The following TMEM212 variants were observed in gnomAD, a reference collection of about 807,000 sequenced individuals.
TMEM212 encodes transmembrane protein 212.
TMEM212 carries 23 observed loss-of-function variants against 20.5 expected under a neutral mutation model. That is an observed-to-expected ratio of 1.12 (90% CI 0.81 to 1.59). The LOEUF (loss-of-function observed/expected upper bound fraction) is 1.59, where lower values mean the gene tolerates loss of function less well. Among genes scored for constraint, TMEM212 ranks in the 40% most tolerant of loss-of-function variants. The pLI is 0.00. For missense variants in TMEM212, 211 were observed against 215.0 expected (o/e 0.98, Z 0.12); for synonymous variants, 76 against 81.6 (o/e 0.93, Z 0.37).
chr3:171,847,002 C>T (rs1481734497), intron 1 of TMEM212, among the ~76,000 whole-genome samples: 10 of 152,228 alleles, frequency 6.6e-5, no homozygotes, highest in African/African-American at 2.4e-4. Flanking sequence ...TGATACAGTA[C>T]TTTGAATTTG....
chr3:171,847,261 T>C (rs1724853754), intron 1 of TMEM212, among the ~76,000 whole-genome samples: 1 of 152,230 alleles, frequency 6.6e-6, no homozygotes, highest in African/African-American at 2.4e-5. Flanking sequence ...TGCAATGAGT[T>C]TAAACACAGG....
chr3:171,848,423 T>G (rs1724886525), intron 1 of TMEM212, among the ~76,000 whole-genome samples: 1 of 152,192 alleles, frequency 6.6e-6, no homozygotes, highest in South Asian at 2.1e-4. Context: ...TCCATCTCAC[T>G]CTATACCCCC....
chr3:171,851,861 C>T (rs867781496), intron 1 of TMEM212, 121 bp from the exon 2 acceptor site: 1 of 860,980 alleles, frequency 1.2e-6, no homozygotes, highest in Non-Finnish European at 1.8e-6. Context: ...GCCATAAATC[C>T]ACTGAGTCAT....
rs1221068230 is a variant in TMEM212 at position 171,853,529 on chromosome 3, G to A, written c.222G>A (p.Gly74=). 1 of 1,532,300 alleles carries A rather than the reference G, an allele frequency of 6.5e-7. No individual in the cohort carries two copies. Among genetic ancestry groups the A allele is most frequent in the Non-Finnish European group, 8.7e-7 (1 of 1,143,844 alleles). The allele number at this position is 1,532,300 out of a possible 1,614,324, so 94.9% of individuals were successfully genotyped here. The stretch of plus-strand genomic sequence containing the variant: ...ATTTATTTTTGCTTTATTTTCAGGG[G>A]GAAGCTACTTTCACCTTTGTGATTC... The part of the protein sequence containing the change: ...AYREWTQRYL[G]EATFTFVILS... Residue 74 remains glycine, a splice_region_variant and synonymous_variant, in exon 3 of 5, where the codon GGG becomes GGA. Transcript: ENST00000334567.
chr3:171,856,170 T>G (rs888610455), intron 3 of TMEM212, among the ~76,000 whole-genome samples: 1 of 152,186 alleles, frequency 6.6e-6, no homozygotes, highest in Non-Finnish European at 1.5e-5. Context: ...ATTGGTATCA[T>G]CAGCTTCTTA....
chr3:171,851,011 A>AT (rs958818876), intron 1 of TMEM212, among the ~76,000 whole-genome samples: 16 of 152,134 alleles, frequency 1.1e-4, no homozygotes, highest in Admixed American at 3.3e-4. Flanking sequence ...AAAAATGCTG[A>AT]TTTTTTTTCC....
intron 1 of TMEM212, among the ~76,000 whole-genome samples, chr3:171,851,356 C>A (rs957439698): frequency 2.0e-5 from 3 of 152,184 alleles, no homozygotes; most frequent in Non-Finnish European, 4.4e-5. Context: ...ACACTGTGGG[C>A]CTTTTTCCTT....
intron 4 of TMEM212, 66 bp from the exon 5 acceptor site, chr3:171,857,995 C>T (rs1725157430): frequency 6.6e-6 from 1 of 151,880 alleles, no homozygotes; most frequent in Admixed American, 6.6e-5. Flanking sequence ...GAGGTACTGC[C>T]CAAGGTAATT....
At chr3:171,845,991 G>T (rs368483243) in intron 1 of TMEM212, among the ~76,000 whole-genome samples, 128 of 152,296 alleles carry the variant, frequency 8.4e-4, no homozygotes, top group African/African-American at 2.8e-3. Context: ...CAAGCCCTTT[G>T]TTCTTAATCC....
intron 1 of TMEM212, among the ~76,000 whole-genome samples, chr3:171,850,410 A>G (rs1369502086): frequency 6.6e-6 from 1 of 152,254 alleles, no homozygotes; most frequent in Admixed American, 6.5e-5. Flanking sequence ...TTGAAAGGAA[A>G]GAAACAGCTC....
intron 1 of TMEM212, among the ~76,000 whole-genome samples, chr3:171,849,055 C>T (rs1724906315): frequency 6.6e-6 from 1 of 151,942 alleles, no homozygotes; most frequent in African/African-American, 2.4e-5. Context: ...GCTTTCAATC[C>T]TGATTTTCTA....
intron 1 of TMEM212, among the ~76,000 whole-genome samples, chr3:171,847,822 G>A (rs1245224146): frequency 6.6e-6 from 1 of 151,950 alleles, no homozygotes; most frequent in Non-Finnish European, 1.5e-5. Context: ...AGTTATAGAG[G>A]GTGATCAGAT....
rs544681357 is a variant in TMEM212, at chr3:171,856,553, G to A, written c.544-110G>A. Reference sequence around the variant, plus strand: ...CAAATACACCCATTAGCCAGGTCATGGTAAATTTGGGAGCTAAGTGGACCC... The same window carrying A: ...CAAATACACCCATTAGCCAGGTCATAGTAAATTTGGGAGCTAAGTGGACCC... On this transcript the variant is annotated intron_variant, in intron 3 of 4. Coordinates refer to ENST00000334567, the MANE Select transcript of TMEM212 (RefSeq NM_001164436.2). 17 of 512,464 alleles carry A rather than the reference G, an allele frequency of 3.3e-5. No homozygotes were observed. The South Asian group carries it at 4.3e-4, about 13-fold the overall frequency. 31.7% of individuals were successfully genotyped at this position (512,464 alleles called of 1,614,324 possible).
Position 171,856,069 on chromosome 3 carries a change from C to CA in TMEM212, c.544-586dup, listed in dbSNP as rs534438155. ...AGTTAACTCTGAGCCCTGTGATTAC[C>CA]AAAAAAAATAGTCAATATGGGGGAA... is the stretch of plus-strand genomic sequence containing the variant. On this transcript the variant is annotated intron_variant, in intron 3 of 4. Coordinates refer to ENST00000334567, the MANE Select transcript of TMEM212 (RefSeq NM_001164436.2). Among the ~76,000 whole-genome samples, 723 of 151,300 alleles carry CA rather than the reference C, an allele frequency of 4.8e-3. 3 individuals are homozygous for CA. Among genetic ancestry groups the CA allele is most frequent in the South Asian group, 6.5e-3 (31 of 4,792 alleles).
intron 1 of TMEM212, among the ~76,000 whole-genome samples, chr3:171,846,253 C>CTT (rs1160991610): frequency 6.6e-6 from 1 of 152,188 alleles, no homozygotes; most frequent in Non-Finnish European, 1.5e-5. Flanking sequence ...TTGATTAATT[C>CTT]TTTATCAAAC....
chr3:171,853,417 C>G, intron 2 of TMEM212, 110 bp from the exon 3 acceptor site: 8 of 779,350 alleles, frequency 1.0e-5, no homozygotes, highest in African/African-American at 1.8e-5. Flanking sequence ...CCCTCATTTT[C>G]CAATAGGAGA....
In TMEM212 at chr3:171,853,854, A is replaced by G. The variant is rs767173645; in HGVS notation, c.543+4A>G. ...TATCCAGAATGGACACATAAACGTA[A>G]GTTTCAACAAAGGGGAGGCAGGTTC... On this transcript the variant is annotated splice_donor_region_variant and intron_variant, in intron 3 of 4. Transcript: ENST00000334567. 24 of 1,530,156 alleles carry G rather than the reference A, an allele frequency of 1.6e-5. No individual in the cohort carries two copies. In the African/African-American group the frequency reaches 2.8e-4, roughly 18 times the overall value. 94.8% of individuals were successfully genotyped at this position (1,530,156 alleles called of 1,614,324 possible).
Position 171,856,723 on chromosome 3 carries a change from G to A in TMEM212, c.*3+16G>A, listed in dbSNP as rs1361581624. ...ACCATAAAAGGTAAAATGGTCTGGG[G>A]ATAGAAAAGGCCTGGGACCAGAATA... On this transcript the variant is annotated intron_variant, in intron 4 of 4. Transcript: ENST00000334567. 1.5e-6 allele frequency: 1 copy of A among 665,794 alleles called. No homozygotes were observed. The highest frequency in any genetic ancestry group is 2.7e-6 in the Non-Finnish European group (1 of 366,912). The allele number at this position is 665,794 out of a possible 1,614,324, so 41.2% of individuals were successfully genotyped here. A position where few individuals can be genotyped will look rare whatever the true frequency, so the allele number is the denominator to read the frequency against.
chr3:171,844,706 A>AAAAC (rs1323540774), intron 1 of TMEM212, among the ~76,000 whole-genome samples: 2 of 152,194 alleles, frequency 1.3e-5, no homozygotes, highest in African/African-American at 4.8e-5. Context: ...ACTCCATCTC[A>AAAAC]AAACAAACAA....
Sources: gnomAD v4.1 joint callset for allele counts (sites outside exome capture counted in the v4.1 genomes callset) on GRCh38, gnomAD v4.1.1 for gene constraint, MANE v1.5 for transcripts, NCBI Gene and HGNC (gene_info 2026-07-23, HGNC 2026-07-21) for gene names.